ERCC6L2: variants seen among roughly 807,000 people sequenced by gnomAD.
ERCC6L2 encodes the protein ERCC excision repair 6 like 2.
Under a neutral mutation model 132.0 loss-of-function variants are expected in ERCC6L2, and 77 were observed. The ratio of observed to expected loss-of-function variants is 0.58; its 90% confidence interval spans 0.49 to 0.71. The LOEUF (loss-of-function observed/expected upper bound fraction) is 0.71. ERCC6L2 is among the 30% of genes least tolerant of loss of function. ERCC6L2 has a pLI of 0.00. For synonymous variants in ERCC6L2, 583 were observed against 632.4 expected (o/e 0.92, Z 1.17); for missense variants, 1,542 against 1,837.6 (o/e 0.84, Z 2.94).
intron 4 of ERCC6L2, among the ~76,000 whole-genome samples, chr9:95,913,427 T>TA (rs1829433846): frequency 6.6e-6 from 1 of 152,172 alleles, no homozygotes; most frequent in African/African-American, 2.4e-5. Context: ...CAAAGTTTCT[T>TA]ACACCCTTCG....
At chr9:95,984,062 T>G (rs1159441837) in intron 17 of ERCC6L2, among the ~76,000 whole-genome samples, 1 of 149,590 alleles carries the variant, frequency 6.7e-6, no homozygotes, top group Non-Finnish European at 1.5e-5. Flanking sequence ...ATGGGTTGAA[T>G]GTATCCTTCC....
intron 16 of ERCC6L2, among the ~76,000 whole-genome samples, chr9:95,974,568 A>G (rs1230425732): frequency 2.0e-5 from 3 of 152,000 alleles, no homozygotes; most frequent in Admixed American, 2.0e-4. Context: ...CACCTCATAC[A>G]TTTTCTGTCC....
chr9:95,941,995 G>T (rs1203640465), intron 12 of ERCC6L2, among the ~76,000 whole-genome samples: 1 of 152,112 alleles, frequency 6.6e-6, no homozygotes, highest in East Asian at 1.9e-4. Flanking sequence ...GCATCATTCT[G>T]GGAAATTGAT....
intron 7 of ERCC6L2, 136 bp downstream of exon 7, chr9:95,921,451 T>C (rs1266413761): frequency 1.8e-6 from 1 of 561,260 alleles, no homozygotes; most frequent in Non-Finnish European, 2.8e-6. Flanking sequence ...AAAATAGTTT[T>C]CAAAAATATT....
At chr9:96,033,454 C>T (rs1254995534) in intron 19 of ERCC6L2, among the ~76,000 whole-genome samples, 1 of 152,196 alleles carries the variant, frequency 6.6e-6, no homozygotes, top group African/African-American at 2.4e-5. Context: ...ACCATATTGA[C>T]CAGGCTGGTC....
At position 96,013,022 on chromosome 9, in the gene ERCC6L2, G is replaced by A. The variant is rs1266925235; in HGVS notation, c.4472G>A (p.Ser1491Asn). The A allele has an allele frequency of 7.3e-7, 1 of 1,367,598 alleles. No homozygotes were observed. The highest frequency in any genetic ancestry group is 9.8e-7 in the Non-Finnish European group (1 of 1,021,808). The allele number at this position is 1,367,598 out of a possible 1,614,324, so 84.7% of individuals were successfully genotyped here. A position where few individuals can be genotyped will look rare whatever the true frequency, so the allele number is the denominator to read the frequency against. Residue 1491 changes from serine (S) to asparagine (N), a missense_variant, in exon 19 of 19, where the codon AGT (serine) becomes AAT (asparagine). This residue lies in a region of ERCC6L2 where 442 missense variants were observed against 583.4 expected (regional missense o/e 0.76). Coordinates refer to ENST00000653738, the MANE Select transcript of ERCC6L2 (RefSeq NM_020207.7). ...AATGAGCAGAATGATGAGAGTCTTA[G>A]TAAACTCACAGACTTGGCAGTAATA... is the stretch of plus-strand genomic sequence containing the variant. ...ILNEQNDESL[S>N]KLTDLAVIET...
rs999464531 is a variant in ERCC6L2, at chr9:95,875,903, G to A, written c.-136G>A. The A allele has an allele frequency of 3.3e-6, 3 of 907,278 alleles. No individual in the cohort carries two copies. Among genetic ancestry groups the A allele is most frequent in the Non-Finnish European group, 5.1e-6 (3 of 589,740 alleles). 56.2% of individuals were successfully genotyped at this position (907,278 alleles called of 1,614,324 possible). On this transcript the variant is annotated 5_prime_UTR_variant, in exon 1 of 19. Transcript: ENST00000653738. ...CCCCTCCTCCATCCTGTGGCTTCGGGTTGCCGAAGAGCGATGCTCGGAGGG... is the reference window on the plus strand; with the variant it reads ...CCCCTCCTCCATCCTGTGGCTTCGGATTGCCGAAGAGCGATGCTCGGAGGG...
At chr9:95,978,321 G>A (rs1181517864) in intron 17 of ERCC6L2, 106 bp downstream of exon 17, 2 of 601,908 alleles carry the variant, frequency 3.3e-6, no homozygotes, top group African/African-American at 2.0e-5. Context: ...AACAAAAACT[G>A]TAAGTGACAT....
At chr9:95,966,319 G>A (rs1488131813) in intron 13 of ERCC6L2, among the ~76,000 whole-genome samples, 1 of 152,130 alleles carries the variant, frequency 6.6e-6, no homozygotes, top group Admixed American at 6.6e-5. Context: ...ATGTAATCTT[G>A]ACTCAGTTGT....
intron 17 of ERCC6L2, among the ~76,000 whole-genome samples, chr9:95,989,461 A>T (rs558165448): frequency 6.6e-6 from 1 of 152,374 alleles, no homozygotes; most frequent in African/African-American, 2.4e-5. Context: ...CCAAATATCT[A>T]TTTCACAATA....
chr9:96,009,001 C>G (rs1361678059), intron 18 of ERCC6L2, among the ~76,000 whole-genome samples: 3 of 152,214 alleles, frequency 2.0e-5, no homozygotes, highest in Admixed American at 6.5e-5. Flanking sequence ...CAGGTATGCA[C>G]CATGGTGCTA....
At chr9:95,988,043 G>A (rs963277337) in intron 17 of ERCC6L2, among the ~76,000 whole-genome samples, 15 of 152,190 alleles carry the variant, frequency 9.9e-5, no homozygotes, top group African/African-American at 3.4e-4. Context: ...AGAGCGGCTA[G>A]GACACAGGAG....
In ERCC6L2 at chr9:95,928,779, G is replaced by A; in HGVS notation, c.1666G>A (p.Gly556Arg). 6.2e-7 allele frequency: 1 copy of A among 1,613,228 alleles called. No individual in the cohort carries two copies. Among genetic ancestry groups the A allele is most frequent in the South Asian group, 1.1e-5 (1 of 91,022 alleles). Reference sequence around the variant, plus strand: ...TGGGCTTGATTACCGACGACTTGATGGAAGTACAAAATCAGAGGAAAGACT... The same window carrying A: ...TGGGCTTGATTACCGACGACTTGATAGAAGTACAAAATCAGAGGAAAGACT... ...ASGLDYRRLDGSTKSEERLKI... is the reference protein window; with the variant it reads ...ASGLDYRRLDRSTKSEERLKI... The change falls in exon 11 of 19, where the codon GGA becomes AGA. Residue 556 changes from glycine to arginine, a missense_variant. By Grantham distance (125) the Gly-to-Arg change is moderately radical. Transcript: ENST00000653738.
At chr9:96,021,817 T>C, downstream of ERCC6L2, 1 of 152,548 alleles carries the variant, frequency 6.6e-6, no homozygotes, top group Non-Finnish European at 1.5e-5. This position sits in a 1 kb window ranked among gnomAD's most constrained non-coding sequence, Gnocchi z 4.7. Context: ...GGACTGGGGC[T>C]CGGACGGAGG....
chr9:96,032,466 A>T (rs927299617), intron 19 of ERCC6L2, among the ~76,000 whole-genome samples: 1 of 152,208 alleles, frequency 6.6e-6, no homozygotes, highest in Non-Finnish European at 1.5e-5. Flanking sequence ...GGAGGGCCAT[A>T]GCTGGCTCTT....
chr9:96,004,824 C>A lies in ERCC6L2; in HGVS notation c.3674+123C>A, dbSNP rs79696396. 2,138 of 616,724 alleles carry A rather than the reference C, an allele frequency of 3.5e-3. 51 individuals are homozygous for A. The East Asian group carries it at 0.08, about 23-fold the overall frequency. The allele number at this position is 616,724 out of a possible 1,614,324, so 38.2% of individuals were successfully genotyped here. A position where few individuals can be genotyped will look rare whatever the true frequency, so the allele number is the denominator to read the frequency against. On this transcript the variant is annotated intron_variant, in intron 18 of 18. Transcript: ENST00000653738. The stretch of plus-strand genomic sequence containing the variant: ...TGACATCTGAATATTTCAGAAAAAT[C>A]TGAATTTCAAAAATAAACTGCAAAT...
chr9:95,951,254 A>G (rs1189745485), intron 12 of ERCC6L2, among the ~76,000 whole-genome samples: 1 of 152,214 alleles, frequency 6.6e-6, no homozygotes, highest in Non-Finnish European at 1.5e-5. Context: ...GGAAGTTAGA[A>G]AATAGCTTGA....
At chr9:95,969,560 TG>T (rs761366965) in intron 14 of ERCC6L2, among the ~76,000 whole-genome samples, 15 of 152,062 alleles carry the variant, frequency 9.9e-5, no homozygotes, top group Non-Finnish European at 1.8e-4. Flanking sequence ...AAGACTGGAG[TG>T]GCCATTTATC....
chr9:95,997,461 G>A (rs983260265), intron 17 of ERCC6L2, among the ~76,000 whole-genome samples: 1 of 152,186 alleles, frequency 6.6e-6, no homozygotes. Flanking sequence ...TTCTTAAGAT[G>A]GACTCTATCC....
Sources: allele counts gnomAD v4.1 joint callset (sites outside exome capture counted in the v4.1 genomes callset), GRCh38; gene constraint gnomAD v4.1.1; regional missense constraint gnomAD v4.1.1; non-coding constraint Gnocchi (gnomAD v3.1); transcripts MANE v1.5; gene names NCBI Gene and HGNC (gene_info 2026-07-23, HGNC 2026-07-21).